The following LYPD6 variants were observed in gnomAD, a reference collection of about 807,000 sequenced individuals.
LYPD6 encodes LY6/PLAUR domain containing 6.
In LYPD6, 15 loss-of-function variants were observed where a neutral mutation model predicts 22.7. The ratio of observed to expected loss-of-function variants is 0.66; its 90% CI spans 0.44 to 1.02. The LOEUF (loss-of-function observed/expected upper bound fraction) is 1.02, where lower values mean the gene tolerates loss of function less well. LYPD6 is among the 50% of genes least tolerant of loss of function. The pLI is 0.00. For missense variants in LYPD6, 189 were observed against 208.4 expected, an observed-to-expected ratio of 0.91 and a Z score of 0.57; for synonymous variants, 72 against 77.5, an observed-to-expected ratio of 0.93 and a Z score of 0.37.
At chr2:149,410,729 A>G (rs899124243) in intron 1 of LYPD6, among the ~76,000 whole-genome samples, 13 of 152,154 alleles carry the variant, frequency 8.5e-5, no homozygotes, top group Non-Finnish European at 1.2e-4. Context: ...AAACAAGGCT[A>G]TTGTTCATGC....
chr2:149,382,412 G>T (rs539658739), intron 1 of LYPD6, among the ~76,000 whole-genome samples: 62 of 152,094 alleles, frequency 4.1e-4, no homozygotes, highest in Non-Finnish European at 6.3e-4. Flanking sequence ...TATTGTATTA[G>T]AAGTCATTTA....
At chr2:149,400,771 A>G (rs1682537062) in intron 1 of LYPD6, among the ~76,000 whole-genome samples, 1 of 152,238 alleles carries the variant, frequency 6.6e-6, no homozygotes, top group Non-Finnish European at 1.5e-5. Flanking sequence ...TCTCCAGCAT[A>G]TGCAAACAAA....
chr2:149,363,690 GTTAA>G (rs1382119939), intron 1 of LYPD6, among the ~76,000 whole-genome samples: 1 of 152,160 alleles, frequency 6.6e-6, no homozygotes, highest in African/African-American at 2.4e-5. Flanking sequence ...ACCTTATGGG[GTTAA>G]TATGAAGACT....
At position 149,449,052 on chromosome 2, in the gene LYPD6, C is replaced by A; in HGVS notation, c.122C>A (p.Thr41Lys). The A allele has an allele frequency of 1.2e-6, 2 of 1,610,260 alleles. No individual in the cohort carries two copies. The highest frequency in any genetic ancestry group is 1.7e-6 in the Non-Finnish European group (2 of 1,177,636). Residue 41 changes from threonine (T) to lysine (K), a missense_variant, in exon 3 of 5, where the codon ACA (threonine) becomes AAA (lysine). Thr to Lys is a moderately conservative substitution (Grantham distance 78). Coordinates refer to ENST00000334166, the MANE Select transcript of LYPD6 (RefSeq NM_194317.5). ...KDIIYLHPST[T>K]PYPGGFKCFT... Reference sequence around the variant, plus strand: ...TTCTCTTAATCCTTTTTTTTAGCCACACCATATCCTGGTGGATTTAAATGT... The same window carrying A: ...TTCTCTTAATCCTTTTTTTTAGCCAAACCATATCCTGGTGGATTTAAATGT...
At chr2:149,423,778 G>T (rs368728412) in intron 1 of LYPD6, among the ~76,000 whole-genome samples, 1 of 109,798 alleles carries the variant, frequency 9.1e-6, no homozygotes, top group South Asian at 3.5e-4. Context: ...GGCGGGGGGT[G>T]GGGGGTGTCA....
chr2:149,420,662 AAAGATGCCATGGT>A (rs1683058542), intron 1 of LYPD6, among the ~76,000 whole-genome samples: 1 of 152,158 alleles, frequency 6.6e-6, no homozygotes, highest in Non-Finnish European at 1.5e-5. Flanking sequence ...AGAAACCAGG[AAAGATGCCATGGT>A]AGTTTCATAG....
At chr2:149,381,859 T>C (rs976241025) in intron 1 of LYPD6, among the ~76,000 whole-genome samples, 1 of 152,164 alleles carries the variant, frequency 6.6e-6, no homozygotes, top group Non-Finnish European at 1.5e-5. Flanking sequence ...TGAATTGCAG[T>C]ATAGAATTCT....
chr2:149,383,380 T>G (rs1167076368), intron 1 of LYPD6, among the ~76,000 whole-genome samples: 7 of 152,252 alleles, frequency 4.6e-5, no homozygotes, highest in African/African-American at 7.2e-5. Context: ...TCAGTTTTTT[T>G]GGGGGGTAGG....
At chr2:149,354,353 G>A (rs1681412267) in intron 1 of LYPD6, among the ~76,000 whole-genome samples, 1 of 152,070 alleles carries the variant, frequency 6.6e-6, no homozygotes, top group African/African-American at 2.4e-5. Flanking sequence ...GATTACAGGT[G>A]CATGCCACCA....
At chr2:149,440,655 G>A (rs1683542079) in intron 2 of LYPD6, among the ~76,000 whole-genome samples, 1 of 149,950 alleles carries the variant, frequency 6.7e-6, no homozygotes, top group Non-Finnish European at 1.5e-5. Context: ...TACTATGAAT[G>A]GCTCCTACTT....
chr2:149,360,609 G>GTTT (rs113615324), intron 1 of LYPD6, among the ~76,000 whole-genome samples: 1 of 141,514 alleles, frequency 7.1e-6, no homozygotes, highest in African/African-American at 2.6e-5. Context: ...GTCTTTACTT[G>GTTT]TTTTTTTTTT....
chr2:149,345,375 C>T (rs1324081948), intron 1 of LYPD6, among the ~76,000 whole-genome samples: 24 of 147,688 alleles, frequency 1.6e-4, no homozygotes, highest in African/African-American at 5.6e-4. Context: ...GGCGCGATCT[C>T]AGGTCACTGC....
Position 149,361,221 on chromosome 2 carries a change from C to T in LYPD6, c.-72+30499C>T, listed in dbSNP as rs540023877. 2.4e-4 allele frequency among the ~76,000 whole-genome samples: 37 copies of T among 152,192 alleles called. 1 individual carries two copies. The highest frequency in any genetic ancestry group is 7.7e-4 in the African/African-American group (32 of 41,540). On this transcript the variant is annotated intron_variant, in intron 1 of 4. Coordinates refer to ENST00000334166, the MANE Select transcript of LYPD6 (RefSeq NM_194317.5). Reference sequence around the variant, plus strand: ...AGTTATGGGAGGTAACCAGGAAAAGCGTGAGACACAAGGGTAAGATTCCTT... The same window carrying T: ...AGTTATGGGAGGTAACCAGGAAAAGTGTGAGACACAAGGGTAAGATTCCTT...
At chr2:149,404,145 A>G (rs1398342342) in intron 1 of LYPD6, among the ~76,000 whole-genome samples, 1 of 152,076 alleles carries the variant, frequency 6.6e-6, no homozygotes, top group Non-Finnish European at 1.5e-5. Flanking sequence ...GGCTTGTAGT[A>G]TGGTTTGAAG....
At chr2:149,371,180 G>T (rs949834967) in intron 1 of LYPD6, among the ~76,000 whole-genome samples, 24 of 152,156 alleles carry the variant, frequency 1.6e-4, no homozygotes, top group Non-Finnish European at 1.0e-4. Context: ...ATTCTTGGTT[G>T]CATGAACAGT....
At chr2:149,435,798 G>A (rs949638536) in intron 1 of LYPD6, among the ~76,000 whole-genome samples, 6 of 152,116 alleles carry the variant, frequency 3.9e-5, no homozygotes, top group South Asian at 2.1e-4. Flanking sequence ...AGAAGATGGC[G>A]TAGTGAGCAT....
intron 1 of LYPD6, among the ~76,000 whole-genome samples, chr2:149,345,739 TG>T (rs1681243096): frequency 6.6e-6 from 1 of 152,192 alleles, no homozygotes; most frequent in Non-Finnish European, 1.5e-5. Context: ...GAATTTGTTG[TG>T]TGCATTTGAT....
At chr2:149,358,672 AAT>A (rs913170941) in intron 1 of LYPD6, among the ~76,000 whole-genome samples, 12 of 151,014 alleles carry the variant, frequency 7.9e-5, no homozygotes, top group South Asian at 6.3e-4. Flanking sequence ...ATATTTTCTA[AAT>A]ATATATATAT....
At chr2:149,370,042 G>T (rs758487222) in intron 1 of LYPD6, among the ~76,000 whole-genome samples, 1 of 152,134 alleles carries the variant, frequency 6.6e-6, no homozygotes, top group South Asian at 2.1e-4. Context: ...GGAAAGTGGG[G>T]TGCAGATGTA....
Sources: gnomAD v4.1 joint callset for allele counts (sites outside exome capture counted in the v4.1 genomes callset) on GRCh38, gnomAD v4.1.1 for gene constraint, MANE v1.5 for transcripts, NCBI Gene and HGNC (gene_info 2026-07-23, HGNC 2026-07-21) for gene names.